Variants in HCRTR2 observed in about 807,000 individuals in gnomAD.
HCRTR2 encodes the protein orexin receptor type 2.
In HCRTR2, 22 loss-of-function variants were observed where a neutral mutation model predicts 49.0. The ratio of observed to expected loss-of-function variants is 0.45; its 90% confidence interval spans 0.32 to 0.64. HCRTR2 has a LOEUF of 0.64. Among genes scored for constraint, HCRTR2 ranks in the 30% least tolerant of loss-of-function variants. The pLI is 0.04. For missense variants in HCRTR2, 491 were observed against 559.4 expected, an observed-to-expected ratio of 0.88 and a Z score of 1.23; for synonymous variants, 236 against 205.3, an observed-to-expected ratio of 1.15 and a Z score of -1.28.
Position 55,154,037 on chromosome 6 carries a change from A to G in HCRTR2, c.-377-20174A>G, listed in dbSNP as rs114394500. ...ATTGGACAACCTAGAAAAAAAATGG[A>G]TAAATTCCTAGAAATACACAGTCTA... On this transcript the variant is annotated intron_variant, in intron 1 of 7. Coordinates refer to the HCRTR2 transcript ENST00000615358. 2.4e-3 allele frequency among the ~76,000 whole-genome samples: 358 copies of G among 151,890 alleles called. 3 individuals carry two copies. Among genetic ancestry groups the G allele is most frequent in the African/African-American group, 8.4e-3 (347 of 41,518 alleles).
intron 1 of HCRTR2, 79 bp downstream of exon 1, chr6:55,174,889 C>T (rs773081668): frequency 2.1e-4 from 223 of 1,083,332 alleles, no homozygotes; most frequent in Admixed American, 3.1e-4. Flanking sequence ...TAAAGAGACC[C>T]CTCCCTCCCC....
At chr6:55,245,933 A>G (rs779609999) in intron 1 of HCRTR2, among the ~76,000 whole-genome samples, 2 of 152,004 alleles carry the variant, frequency 1.3e-5, no homozygotes, top group Non-Finnish European at 2.9e-5. Flanking sequence ...ATGTAATTTG[A>G]TATGGTAAAG....
chr6:55,194,545 A>G (rs977455319), intron 1 of HCRTR2, among the ~76,000 whole-genome samples: 1 of 152,138 alleles, frequency 6.6e-6, no homozygotes, highest in South Asian at 2.1e-4. Flanking sequence ...TATGTCTGAG[A>G]TGCTGACTAA....
intron 1 of HCRTR2, among the ~76,000 whole-genome samples, chr6:55,164,564 A>T (rs1256510193): frequency 6.6e-6 from 1 of 152,156 alleles, no homozygotes; most frequent in Non-Finnish European, 1.5e-5. Flanking sequence ...CATAAGTGGG[A>T]GTTGAACAAT....
At chr6:55,153,626 A>C (rs188343161) in intron 1 of HCRTR2, among the ~76,000 whole-genome samples, 7 of 152,102 alleles carry the variant, frequency 4.6e-5, no homozygotes, top group African/African-American at 1.7e-4. Flanking sequence ...GCTTTGTAAT[A>C]TATTTTGTAA....
intron 1 of HCRTR2, among the ~76,000 whole-genome samples, chr6:55,181,566 T>A (rs921911580): frequency 3.3e-5 from 5 of 152,212 alleles, no homozygotes; most frequent in African/African-American, 9.7e-5. Context: ...ATTTTACTCT[T>A]CAGAAGATAT....
At chr6:55,161,259 G>C (rs191487008) in intron 1 of HCRTR2, among the ~76,000 whole-genome samples, 1 of 152,214 alleles carries the variant, frequency 6.6e-6, no homozygotes, top group African/African-American at 2.4e-5. Context: ...AATTAAGGCA[G>C]AAATAAATAA....
intron 1 of HCRTR2, among the ~76,000 whole-genome samples, chr6:55,113,146 T>G (rs757424632): frequency 6.6e-6 from 1 of 152,078 alleles, no homozygotes; most frequent in Non-Finnish European, 1.5e-5. Context: ...GATCAAAGAC[T>G]TAAATCTAAG....
At chr6:55,127,984 T>C (rs1231298470) in intron 1 of HCRTR2, among the ~76,000 whole-genome samples, 1 of 152,248 alleles carries the variant, frequency 6.6e-6, no homozygotes, top group Non-Finnish European at 1.5e-5. Flanking sequence ...ATCTTTGTCA[T>C]GAAATCTTTG....
At chr6:55,172,205 A>G (rs1006888251), upstream of HCRTR2, among the ~76,000 whole-genome samples, 5 of 152,222 alleles carry the variant, frequency 3.3e-5, no homozygotes, top group Non-Finnish European at 5.9e-5. Context: ...AATGAAATTA[A>G]TATATGCACA....
At chr6:55,181,882 A>T (rs1010477728) in intron 1 of HCRTR2, among the ~76,000 whole-genome samples, 6 of 152,266 alleles carry the variant, frequency 3.9e-5, no homozygotes, top group Non-Finnish European at 5.9e-5. Flanking sequence ...CTTGTTAAAC[A>T]TAAAATAATA....
At chr6:55,133,922 A>G (rs1297988297) in intron 1 of HCRTR2, among the ~76,000 whole-genome samples, 1 of 151,880 alleles carries the variant, frequency 6.6e-6, no homozygotes, top group African/African-American at 2.4e-5. Context: ...AGTGGTTATT[A>G]CAAACAGTTT....
At chr6:55,184,730 A>G (rs1765188814) in intron 1 of HCRTR2, among the ~76,000 whole-genome samples, 2 of 152,206 alleles carry the variant, frequency 1.3e-5, no homozygotes, top group Admixed American at 1.3e-4. Context: ...TTCCTAGTTC[A>G]CAATGGAAAT....
rs142151232 is a variant in HCRTR2, at chr6:55,158,644, G to A, written c.-377-15567G>A. 3.0e-4 allele frequency among the ~76,000 whole-genome samples: 46 copies of A among 152,284 alleles called. No homozygotes were observed. In the East Asian group the frequency reaches 7.9e-3, roughly 26 times the overall value. On this transcript the variant is annotated intron_variant, in intron 1 of 7. Coordinates refer to the HCRTR2 transcript ENST00000615358. ...GAGAGGGACGTCCACCATTACTGAG[G>A]TTTGAGTAAGCAGTTTTCCCCTCAC...
chr6:55,239,335 A>G (rs1170546639), intron 1 of HCRTR2, among the ~76,000 whole-genome samples: 4 of 152,166 alleles, frequency 2.6e-5, no homozygotes, highest in Non-Finnish European at 5.9e-5. Flanking sequence ...CCTCCTTGGG[A>G]GAAATCATGC....
chr6:55,183,359 G>A (rs1284647172), intron 1 of HCRTR2, among the ~76,000 whole-genome samples: 2 of 152,132 alleles, frequency 1.3e-5, no homozygotes, highest in Non-Finnish European at 2.9e-5. Flanking sequence ...AACAACATAA[G>A]CAAAATCAAA....
chr6:55,234,941 C>A (rs1289949736), intron 1 of HCRTR2, among the ~76,000 whole-genome samples: 2 of 152,024 alleles, frequency 1.3e-5, no homozygotes, highest in African/African-American at 4.8e-5. Flanking sequence ...TAGAATGAAC[C>A]AAAATTTCCA....
At chr6:55,112,726 T>C in intron 1 of HCRTR2, among the ~76,000 whole-genome samples, 1 of 152,000 alleles carries the variant, frequency 6.6e-6, no homozygotes, top group Non-Finnish European at 1.5e-5. Flanking sequence ...AAAAGCGATC[T>C]ACAAGTTCAA....
intron 1 of HCRTR2, among the ~76,000 whole-genome samples, chr6:55,219,203 C>A (rs962991886): frequency 5.3e-5 from 8 of 152,166 alleles, no homozygotes; most frequent in Admixed American, 2.6e-4. Context: ...ATAAGCCTAA[C>A]AAACATATGC....
Sources: gnomAD v4.1 joint callset for allele counts (sites outside exome capture counted in the v4.1 genomes callset) on GRCh38, gnomAD v4.1.1 for gene constraint, MANE v1.5 for transcripts, NCBI Gene and HGNC (gene_info 2026-07-23, HGNC 2026-07-21) for gene names.